PLEKHH2: variants seen among roughly 807,000 people sequenced by gnomAD.
PLEKHH2 encodes the protein pleckstrin homology domain-containing family H member 2.
In PLEKHH2, 129 loss-of-function variants were observed where a neutral mutation model predicts 187.9. The observed-to-expected ratio is 0.69, with a 90% confidence interval of 0.59 to 0.79. The LOEUF (loss-of-function observed/expected upper bound fraction) is 0.79, where lower values mean the gene tolerates loss of function less well. PLEKHH2 is among the 30% of genes least tolerant of loss of function. PLEKHH2 has a pLI of 0.00. For synonymous variants in PLEKHH2, 686 were observed against 605.6 expected, an observed-to-expected ratio of 1.13 and a Z score of -1.95; for missense variants, 2,076 against 1,751.2, an observed-to-expected ratio of 1.19 and a Z score of -3.31.
intron 1 of PLEKHH2, among the ~76,000 whole-genome samples, chr2:43,640,278 G>C (rs1040850640): frequency 6.6e-6 from 1 of 151,042 alleles, no homozygotes; most frequent in African/African-American, 2.4e-5. Flanking sequence ...TATGATCATA[G>C]CTCACTGCTC....
chr2:43,703,916 CT>C (rs10530805), intron 8 of PLEKHH2, 64 bp from the exon 9 acceptor site: 4,488 of 386,586 alleles, frequency 0.012, 1 homozygote, highest in African/African-American at 0.028. Flanking sequence ...TGAAAGTAGT[CT>C]TTTTTTTTTT....
intron 20 of PLEKHH2, chr2:43,740,729 G>C: frequency 1.4e-6 from 1 of 733,924 alleles, no homozygotes. Context: ...CTCAGTTGTA[G>C]ATAACCATAC....
rs567094611 is a variant in PLEKHH2, at chr2:43,761,056, G to A, written c.4072-1248G>A. 3.1e-3 allele frequency among the ~76,000 whole-genome samples: 478 copies of A among 152,270 alleles called. 2 individuals are homozygous for A. The highest frequency in any genetic ancestry group is 5.1e-3 in the Non-Finnish European group (347 of 68,034). ...TCCATTCACCTGTCAGTGGACACTA[G>A]AGTTGAAGGGCATCCTTTTGAATTG... On this transcript the variant is annotated intron_variant, in intron 27 of 29. Transcript: ENST00000282406.
At chr2:43,682,513 G>C (rs1003596472) in intron 3 of PLEKHH2, among the ~76,000 whole-genome samples, 1 of 152,034 alleles carries the variant, frequency 6.6e-6, no homozygotes, top group Non-Finnish European at 1.5e-5. Flanking sequence ...CACCATGTTG[G>C]CCAGGCTGGT....
Position 43,672,856 on chromosome 2 carries a change from C to T in PLEKHH2, c.124-6007C>T, listed in dbSNP as rs114409587. Among the ~76,000 whole-genome samples, 121 of 152,184 alleles carry T rather than the reference C, an allele frequency of 8.0e-4. 1 individual carries two copies. The highest frequency in any genetic ancestry group is 2.8e-3 in the African/African-American group (115 of 41,508). ...AACTACTTTATCCATAATCCTGTCA[C>T]CTAGATATAGACAACTCCTTGTCCT... On this transcript the variant is annotated intron_variant, in intron 2 of 29. Coordinates refer to ENST00000282406, the MANE Select transcript of PLEKHH2 (RefSeq NM_172069.4).
intron 3 of PLEKHH2, among the ~76,000 whole-genome samples, chr2:43,690,523 C>A (rs944140867): frequency 2.0e-5 from 3 of 152,084 alleles, no homozygotes; most frequent in African/African-American, 7.2e-5. Flanking sequence ...CAGGAGAAAA[C>A]CCTCATTAGT....
intron 3 of PLEKHH2, among the ~76,000 whole-genome samples, chr2:43,685,446 G>C (rs530754856): frequency 1.3e-5 from 2 of 151,990 alleles, no homozygotes; most frequent in African/African-American, 4.8e-5. Flanking sequence ...TTTGTCTTTT[G>C]AGACAGGGTC....
At chr2:43,728,477 C>CAAA (rs1042037842) in intron 17 of PLEKHH2, among the ~76,000 whole-genome samples, 2 of 56,044 alleles carry the variant, frequency 3.6e-5, no homozygotes, top group African/African-American at 1.3e-4. Context: ...GACTCTGTCT[C>CAAA]AAAAAAAAAA....
At chr2:43,725,497 G>A (rs1321508505) in intron 16 of PLEKHH2, among the ~76,000 whole-genome samples, 2 of 152,162 alleles carry the variant, frequency 1.3e-5, no homozygotes, top group Non-Finnish European at 2.9e-5. Flanking sequence ...CTTGTTGTTA[G>A]AAGAGAAGTG....
At chr2:43,637,654 C>G (rs1703173951) in intron 1 of PLEKHH2, among the ~76,000 whole-genome samples, 2 of 152,098 alleles carry the variant, frequency 1.3e-5, no homozygotes, top group South Asian at 2.1e-4. Flanking sequence ...CGTGGGCTCC[C>G]GTGACGTTCT....
chr2:43,680,383 G>A (rs1412178217), intron 3 of PLEKHH2: 1 of 153,836 alleles, frequency 6.5e-6, no homozygotes, highest in African/African-American at 2.4e-5. Flanking sequence ...ATATCCCTCT[G>A]TATCTCATAA....
chr2:43,657,179 A>T (rs925178291), intron 2 of PLEKHH2, among the ~76,000 whole-genome samples: 2 of 152,174 alleles, frequency 1.3e-5, no homozygotes, highest in African/African-American at 4.8e-5. Context: ...AATCAGCTGG[A>T]GGGTGGACTC....
intron 2 of PLEKHH2, among the ~76,000 whole-genome samples, chr2:43,653,467 A>T (rs750746064): frequency 6.6e-6 from 1 of 152,260 alleles, no homozygotes; most frequent in South Asian, 2.1e-4. Flanking sequence ...TGAAGGTAGA[A>T]TAAAGATATT....
chr2:43,712,182 T>G (rs765547222), intron 14 of PLEKHH2, 43 bp from the exon 15 acceptor site: 5 of 1,582,942 alleles, frequency 3.2e-6, no homozygotes, highest in Middle Eastern at 1.7e-4. Context: ...CAATCCTAAA[T>G]CTTCACAGTT....
At position 43,710,286 on chromosome 2, in the gene PLEKHH2, T is replaced by TG; in HGVS notation, c.2172dup (p.Phe725ValfsTer4). The TG allele has an allele frequency of 1.2e-6, 2 of 1,614,094 alleles. No individual in the cohort carries two copies. Among genetic ancestry groups the TG allele is most frequent in the Non-Finnish European group, 1.7e-6 (2 of 1,180,010 alleles). On this transcript the variant is annotated frameshift_variant, in exon 13 of 30. Coordinates refer to ENST00000282406, the MANE Select transcript of PLEKHH2 (RefSeq NM_172069.4). LOFTEE classifies it high-confidence loss of function. ...TAAAGTCAAGTCTTGGAAGCGGCGG[T>TG]GGTTTGTTCTTAAAGGTGGTGAATT...
chr2:43,654,672 G>A (rs1424712438), intron 2 of PLEKHH2, among the ~76,000 whole-genome samples: 1 of 145,304 alleles, frequency 6.9e-6, no homozygotes, highest in East Asian at 2.1e-4. Flanking sequence ...GAGGCCAAGA[G>A]TTCAAGACCA....
At chr2:43,682,432 G>A (rs959374403) in intron 3 of PLEKHH2, among the ~76,000 whole-genome samples, 41 of 151,876 alleles carry the variant, frequency 2.7e-4, no homozygotes, top group Non-Finnish European at 8.8e-5. Context: ...TCAGCCTCCC[G>A]AGTAGCTGGG....
intron 10 of PLEKHH2, among the ~76,000 whole-genome samples, chr2:43,707,003 C>A (rs113622974): frequency 6.6e-6 from 1 of 152,168 alleles, no homozygotes; most frequent in East Asian, 1.9e-4. Context: ...CGAGACCAGC[C>A]TGGCCAACAT....
chr2:43,748,386 C>G (rs1227754559), intron 24 of PLEKHH2, among the ~76,000 whole-genome samples: 1 of 152,150 alleles, frequency 6.6e-6, no homozygotes, highest in Admixed American at 6.5e-5. Context: ...ATCAGTGGCC[C>G]TTTGGTGACT....
Sources: gnomAD v4.1 joint callset for allele counts (sites outside exome capture counted in the v4.1 genomes callset) on GRCh38, gnomAD v4.1.1 for gene constraint, MANE v1.5 for transcripts, NCBI Gene and HGNC (gene_info 2026-07-23, HGNC 2026-07-21) for gene names.